SV2C: variants seen among roughly 807,000 people sequenced by gnomAD.
SV2C encodes solute carrier family 22 member B3.
In SV2C, 49 loss-of-function variants were observed where a neutral mutation model predicts 79.7. The ratio of observed to expected loss-of-function variants is 0.61; its 90% CI spans 0.49 to 0.78. SV2C has a LOEUF of 0.78. Ranked by LOEUF, SV2C falls within the 30% of genes least tolerant of loss-of-function variation. SV2C has a pLI of 0.00. For synonymous variants in SV2C, 334 were observed against 333.2 expected (o/e 1.00, Z -0.03); for missense variants, 833 against 912.9 (o/e 0.91, Z 1.13).
In SV2C at chr5:76,186,648, C is replaced by T. The variant is rs534348220; in HGVS notation, c.581-8271C>T. 7.9e-5 allele frequency among the ~76,000 whole-genome samples: 12 copies of T among 152,142 alleles called. No individual in the cohort carries two copies. The Middle Eastern group carries it at 0.01, about 129-fold the overall frequency. On this transcript the variant is annotated intron_variant, in intron 2 of 12. Coordinates refer to ENST00000502798, the MANE Select transcript of SV2C (RefSeq NM_014979.4). ...CGGTGGTTGCAGTGAGCCAAGGTTA[C>T]ACCACTGCACTCCAGGCTGGGCAAC...
At chr5:76,157,958 A>G (rs768692808) in intron 2 of SV2C, among the ~76,000 whole-genome samples, 7 of 151,876 alleles carry the variant, frequency 4.6e-5, no homozygotes, top group Non-Finnish European at 1.0e-4. Context: ...CTGGAATAAA[A>G]TTGGTGTAAA....
chr5:76,010,087 T>C, the SV2C span, among the ~76,000 whole-genome samples: 1 of 148,308 alleles, frequency 6.7e-6, no homozygotes, highest in Non-Finnish European at 1.5e-5. Flanking sequence ...CACTGTTGTA[T>C]CCCCAGCACC....
chr5:75,960,037 G>T, the SV2C span, among the ~76,000 whole-genome samples: 1 of 151,852 alleles, frequency 6.6e-6, no homozygotes, highest in Non-Finnish European at 1.5e-5. Flanking sequence ...CTTAAGAGTG[G>T]CATCATAGGA....
At chr5:76,004,813 A>C in the SV2C span, among the ~76,000 whole-genome samples, 1 of 152,170 alleles carries the variant, frequency 6.6e-6, no homozygotes, top group Non-Finnish European at 1.5e-5. Flanking sequence ...AAATTGCCCA[A>C]GGTCATATAA....
the SV2C span, among the ~76,000 whole-genome samples, chr5:75,997,049 C>T: frequency 0.031 from 4,598 of 149,786 alleles, 261 homozygotes; most frequent in African/African-American, 0.11. Context: ...GAGAGGGCAT[C>T]CCTGTCTTGT....
At chr5:75,849,386 G>T in the SV2C span, among the ~76,000 whole-genome samples, 144 of 147,148 alleles carry the variant, frequency 9.8e-4, no homozygotes, top group African/African-American at 3.8e-3. Flanking sequence ...AAAAGGAACA[G>T]AAATCTATGG....
At chr5:76,127,581 G>A (rs1434943031) in intron 1 of SV2C, among the ~76,000 whole-genome samples, 1 of 152,206 alleles carries the variant, frequency 6.6e-6, no homozygotes, top group Non-Finnish European at 1.5e-5. Flanking sequence ...TTTTACAGGA[G>A]ATACTGCTAA....
At chr5:75,860,867 A>T in the SV2C span, among the ~76,000 whole-genome samples, 2 of 152,210 alleles carry the variant, frequency 1.3e-5, no homozygotes, top group East Asian at 1.9e-4. Flanking sequence ...TGGTGCTGGG[A>T]TAGCTGGCTA....
chr5:76,042,021 C>T, the SV2C span, among the ~76,000 whole-genome samples: 2 of 152,172 alleles, frequency 1.3e-5, no homozygotes, highest in Non-Finnish European at 2.9e-5. Flanking sequence ...TTTGCCCAGG[C>T]TCCTCCATCC....
chr5:76,285,676 C>A, intron 5 of SV2C, 105 bp from the exon 6 acceptor site: 2 of 896,854 alleles, frequency 2.2e-6, no homozygotes, highest in Non-Finnish European at 1.8e-6. Flanking sequence ...GATACATTTG[C>A]ACAATTACAC....
the SV2C span, among the ~76,000 whole-genome samples, chr5:76,045,042 T>C: frequency 5.3e-5 from 8 of 152,174 alleles, no homozygotes; most frequent in Middle Eastern, 3.2e-3. Flanking sequence ...GGTTATAGTT[T>C]TGTGTTTTAC....
intron 4 of SV2C, among the ~76,000 whole-genome samples, chr5:76,236,748 G>A (rs1315340308): frequency 6.6e-6 from 1 of 152,000 alleles, no homozygotes; most frequent in Non-Finnish European, 1.5e-5. Context: ...TTCCCATTAG[G>A]CCCCACCTCC....
At chr5:76,001,464 T>C in the SV2C span, among the ~76,000 whole-genome samples, 1 of 151,818 alleles carries the variant, frequency 6.6e-6, no homozygotes, top group Non-Finnish European at 1.5e-5. Context: ...TAGCCTGGCG[T>C]GGTGGTGGGC....
At chr5:76,205,140 G>C (rs929300053) in intron 3 of SV2C, among the ~76,000 whole-genome samples, 1 of 149,390 alleles carries the variant, frequency 6.7e-6, no homozygotes, top group Non-Finnish European at 1.5e-5. Context: ...ACCTATTGAG[G>C]TGTTGTGCGT....
chr5:76,352,317 C>A (rs1749657178), intron 12 of SV2C, among the ~76,000 whole-genome samples: 4 of 152,172 alleles, frequency 2.6e-5, no homozygotes, highest in Admixed American at 2.6e-4. Context: ...AAAAAGGAAG[C>A]TGTTATGGTT....
intron 4 of SV2C, among the ~76,000 whole-genome samples, chr5:76,221,550 T>C (rs903420920): frequency 7.9e-5 from 12 of 152,166 alleles, no homozygotes; most frequent in African/African-American, 2.9e-4. Context: ...CTCATTCAGA[T>C]AAGTGCTGAG....
chr5:75,910,921 G>A, the SV2C span: 1 of 932,916 alleles, frequency 1.1e-6, no homozygotes, highest in Non-Finnish European at 1.8e-6. Context: ...TCTTTGTGGT[G>A]AAGGGACTAT....
chr5:76,257,279 G>GGTA (rs1221739151), intron 4 of SV2C, among the ~76,000 whole-genome samples: 1 of 119,020 alleles, frequency 8.4e-6, no homozygotes, highest in Non-Finnish European at 1.7e-5. Flanking sequence ...GTGTGTGTGT[G>GGTA]TGTGTGTGTG....
chr5:76,182,662 C>G (rs987013395), intron 2 of SV2C, among the ~76,000 whole-genome samples: 3 of 152,178 alleles, frequency 2.0e-5, no homozygotes, highest in Non-Finnish European at 4.4e-5. Flanking sequence ...ATTTTGTGCT[C>G]CAGGCACTTC....
Sources: gnomAD v4.1 joint callset for allele counts (sites outside exome capture counted in the v4.1 genomes callset) on GRCh38, gnomAD v4.1.1 for gene constraint, MANE v1.5 for transcripts, NCBI Gene and HGNC (gene_info 2026-07-23, HGNC 2026-07-21) for gene names.